PPP6R2: variants seen among roughly 807,000 people sequenced by gnomAD.
PPP6R2 encodes serine/threonine-protein phosphatase 6 regulatory subunit 2.
PPP6R2 carries 62 observed loss-of-function variants against 100.2 expected under a neutral mutation model. The observed-to-expected ratio is 0.62, with a 90% confidence interval of 0.50 to 0.76. PPP6R2 has a LOEUF of 0.76. Ranked by LOEUF, PPP6R2 falls within the 30% of genes least tolerant of loss-of-function variation. The probability of loss-of-function intolerance (pLI) is 0.00; values close to 1 mark genes in which losing one functional copy is unlikely to be tolerated. For synonymous variants in PPP6R2, 525 were observed against 514.7 expected, an observed-to-expected ratio of 1.02 and a Z score of -0.27; for missense variants, 1,142 against 1,276.3, an observed-to-expected ratio of 0.89 and a Z score of 1.60.
chr22:50,406,639 A>G, intron 3 of PPP6R2, 50 bp from the exon 4 acceptor site: 1 of 1,535,344 alleles, frequency 6.5e-7, no homozygotes, highest in Non-Finnish European at 8.9e-7. Context: ...GCTTCCTAAG[A>G]GTTGGAGAAG....
chr22:50,394,166 G>T (rs946314359), intron 3 of PPP6R2, 31 bp downstream of exon 3: 48 of 1,606,324 alleles, frequency 3.0e-5, no homozygotes, highest in Non-Finnish European at 3.7e-5. Flanking sequence ...GGGCCAGTAC[G>T]CCAGGCAGTG....
chr22:50,337,344 ATGTGTGG>A, the PPP6R2 span, among the ~76,000 whole-genome samples: 2 of 89,870 alleles, frequency 2.2e-5, no homozygotes, highest in Admixed American at 2.7e-4. Flanking sequence ...TGTGTCTGCG[ATGTGTGG>A]TGTGTGGGTG....
rs758223732 is a variant in PPP6R2 at position 50,393,899 on chromosome 22, G to A, written c.-10G>A. On this transcript the variant is annotated 5_prime_UTR_variant, in exon 3 of 24. Coordinates refer to ENST00000612753, the MANE Select transcript of PPP6R2 (RefSeq NM_001242898.2). The stretch of plus-strand genomic sequence containing the variant: ...CCTTTGCCCTCGTTTGCAGCTCTGC[G>A]GCCGTCACGATGTTCTGGAAGTTTG... 5.5e-5 allele frequency: 89 copies of A among 1,613,994 alleles called. No individual in the cohort carries two copies. The South Asian group carries it at 6.3e-4, about 11-fold the overall frequency.
At chr22:50,333,398 A>G in the PPP6R2 span, among the ~76,000 whole-genome samples, 6 of 145,832 alleles carry the variant, frequency 4.1e-5, no homozygotes, top group African/African-American at 1.5e-4. Flanking sequence ...GTGCAGTGGC[A>G]CAATCTTGGC....
At chr22:50,382,026 C>T (rs1163111554) in intron 2 of PPP6R2, among the ~76,000 whole-genome samples, 1 of 151,920 alleles carries the variant, frequency 6.6e-6, no homozygotes, top group Non-Finnish European at 1.5e-5. Context: ...TTTTTAGCAA[C>T]CATTAACTAA....
chr22:50,365,140 C>T (rs1217878903), intron 1 of PPP6R2, among the ~76,000 whole-genome samples: 3 of 148,206 alleles, frequency 2.0e-5, no homozygotes, highest in South Asian at 2.1e-4. Flanking sequence ...GGCGCAATCT[C>T]GGCTCACCGC....
intron 2 of PPP6R2, among the ~76,000 whole-genome samples, chr22:50,382,425 C>T (rs546317574): frequency 1.7e-4 from 25 of 151,356 alleles, no homozygotes; most frequent in East Asian, 1.2e-3. Context: ...GGTGAAACCC[C>T]GTCTCTACTA....
intron 2 of PPP6R2, among the ~76,000 whole-genome samples, chr22:50,376,798 G>A (rs1197383912): frequency 6.6e-6 from 1 of 152,134 alleles, no homozygotes; most frequent in Non-Finnish European, 1.5e-5. Context: ...CCAGCAGTTT[G>A]GGAGGCCGAG....
upstream of PPP6R2, among the ~76,000 whole-genome samples, chr22:50,340,191 TGTGTGTGGTATGGA>T (rs1601854168): frequency 2.3e-5 from 3 of 128,124 alleles, no homozygotes; most frequent in South Asian, 2.6e-4. Context: ...GTATGTGGTG[TGTGTGTGGTATGGA>T]GTGTGTGGTA....
At chr22:50,342,237 C>T (rs1433497923), upstream of PPP6R2, among the ~76,000 whole-genome samples, 1 of 152,256 alleles carries the variant, frequency 6.6e-6, no homozygotes, top group Non-Finnish European at 1.5e-5. Flanking sequence ...GGTGTCTCTT[C>T]TCTAGGTTGT....
the PPP6R2 span, among the ~76,000 whole-genome samples, chr22:50,335,850 G>A: frequency 1.4e-5 from 2 of 142,154 alleles, no homozygotes; most frequent in Non-Finnish European, 3.0e-5. Context: ...TAATTTTTTT[G>A]TATTTTTAGT....
At chr22:50,356,585 A>G (rs1217247385) in intron 1 of PPP6R2, among the ~76,000 whole-genome samples, 1 of 152,146 alleles carries the variant, frequency 6.6e-6, no homozygotes, top group Non-Finnish European at 1.5e-5. Flanking sequence ...TTGAGTAAAC[A>G]GGAGTAGAAG....
chr22:50,358,677 C>T (rs2047111490), intron 1 of PPP6R2, among the ~76,000 whole-genome samples: 2 of 152,108 alleles, frequency 1.3e-5, no homozygotes, highest in South Asian at 4.1e-4. Flanking sequence ...CCTTTCCCTC[C>T]TTCTCTAAGC....
chr22:50,394,239 C>T (rs987653537), intron 3 of PPP6R2, 104 bp downstream of exon 3: 9 of 1,474,176 alleles, frequency 6.1e-6, no homozygotes, highest in East Asian at 2.5e-5. Flanking sequence ...GATGAAGAAG[C>T]GAGCCGTAAA....
In PPP6R2 at chr22:50,418,941, G is replaced by C. The variant is rs765176333; in HGVS notation, c.693G>C (p.Glu231Asp). 4 of 1,613,868 alleles carry C rather than the reference G, an allele frequency of 2.5e-6. No homozygotes were observed. Among genetic ancestry groups the C allele is most frequent in the Non-Finnish European group, 3.4e-6 (4 of 1,179,890 alleles). The change falls in exon 7 of 24, where the codon GAG becomes GAC. Residue 231 changes from glutamate (E) to aspartate (D), a missense_variant. Around this residue, in one of 2 missense-constraint regions of PPP6R2, gnomAD observed 592 missense variants for 758.9 expected, o/e 0.78. Transcript: ENST00000612753. The stretch of plus-strand genomic sequence containing the variant: ...GAGACCAGGGCAGTCAGCTGCAAGA[G>C]GCTCTGGAGCCAGACCCGCTCCTCA... Reference protein sequence around the residue: ...LGRDQGSQLQEALEPDPLLTA... With the variant: ...LGRDQGSQLQDALEPDPLLTA...
At chr22:50,334,126 G>A in the PPP6R2 span, among the ~76,000 whole-genome samples, 1 of 152,288 alleles carries the variant, frequency 6.6e-6, no homozygotes, top group Non-Finnish European at 1.5e-5. Flanking sequence ...CGTGACCGCT[G>A]AAGCACAGCA....
At position 50,431,137 on chromosome 22, in the gene PPP6R2, G is replaced by C. The variant is rs753642458; in HGVS notation, c.1126-36G>C. ...GTGGTGTAGCCGGCAGGAGAAAACC[G>C]ATCTAAGAACTGTCTTCTGTCCTCT... On this transcript the variant is annotated intron_variant, in intron 10 of 23. Transcript: ENST00000612753. This position sits in a 1 kb window ranked among gnomAD's most constrained non-coding sequence, Gnocchi z 4.8. 1 of 1,538,822 alleles carries C rather than the reference G, an allele frequency of 6.5e-7. No individual in the cohort carries two copies. Among genetic ancestry groups the C allele is most frequent in the Admixed American group, 1.7e-5 (1 of 59,182 alleles).
intron 1 of PPP6R2, among the ~76,000 whole-genome samples, chr22:50,345,834 C>T (rs2043469035): frequency 2.6e-4 from 1 of 3,872 alleles, no homozygotes; most frequent in Non-Finnish European, 4.5e-4. Flanking sequence ...AGTCAGTGCC[C>T]CCTCCAGTCA....
chr22:50,353,045 CAGAGTA>C (rs1569262237), intron 1 of PPP6R2, among the ~76,000 whole-genome samples: 1 of 152,192 alleles, frequency 6.6e-6, no homozygotes, highest in African/African-American at 2.4e-5. Flanking sequence ...GCCTGGGCAA[CAGAGTA>C]AGACCTGCCT....
Sources: gnomAD v4.1 joint callset for allele counts (sites outside exome capture counted in the v4.1 genomes callset) on GRCh38, gnomAD v4.1.1 for gene constraint, gnomAD v4.1.1 regional missense constraint, Gnocchi (gnomAD v3.1) non-coding constraint, MANE v1.5 for transcripts, NCBI Gene and HGNC (gene_info 2026-07-23, HGNC 2026-07-21) for gene names.